Variants in COL18A1 observed in about 807,000 individuals in gnomAD.
The protein encoded by COL18A1 is collagen type XVIII alpha 1 chain, also known as collagen alpha-1(XVIII) chain.
In COL18A1, 133 loss-of-function variants were observed where a neutral mutation model predicts 168.0. That is an observed-to-expected ratio of 0.79 (90% CI 0.69 to 0.91). The LOEUF (loss-of-function observed/expected upper bound fraction) is 0.91, where lower values mean the gene tolerates loss of function less well. COL18A1 is among the 40% of genes least tolerant of loss of function. COL18A1 has a pLI of 0.00. For synonymous variants in COL18A1, 949 were observed against 809.0 expected (o/e 1.17, Z -2.94); for missense variants, 2,126 against 1,925.4 (o/e 1.10, Z -1.95).
chr21:45,504,247 G>A, intron 33 of COL18A1, 169 bp from the exon 34 acceptor site: 1 of 882,172 alleles, frequency 1.1e-6, no homozygotes, highest in Non-Finnish European at 1.8e-6. Flanking sequence ...GGGGGACTCG[G>A]CTGATGCAGT....
At position 45,513,124 on chromosome 21, in the gene COL18A1, C is replaced by T. The variant is rs2037704611; in HGVS notation, c.*726C>T. The T allele has an allele frequency of 6.6e-6, 1 of 152,642 alleles. No individual in the cohort carries two copies. The highest frequency in any genetic ancestry group is 1.5e-5 in the Non-Finnish European group (1 of 68,366). The allele number at this position is 152,642 out of a possible 1,614,324, so 9.5% of individuals were successfully genotyped here. ...ATACATCCAAAGCAGACAGCTCCAC[C>T]CTGGCCGAGTCCAAGCTGGGAGATT... is the stretch of plus-strand genomic sequence containing the variant. On this transcript the variant is annotated 3_prime_UTR_variant, in exon 42 of 42. Transcript: ENST00000651438.
At chr21:45,479,422 G>A (rs28522636) in intron 9 of COL18A1, among the ~76,000 whole-genome samples, 2,558 of 151,380 alleles carry the variant, frequency 0.017, 73 homozygotes, top group African/African-American at 0.058. Context: ...CACATCACAC[G>A]TGGACACATG....
chr21:45,493,677 G>A, intron 26 of COL18A1, 102 bp downstream of exon 26: 8 of 874,798 alleles, frequency 9.1e-6, no homozygotes, highest in Non-Finnish European at 1.3e-5. Flanking sequence ...TGATGCACGA[G>A]CCTCTCCCAA....
At chr21:45,477,371 C>A in intron 6 of COL18A1, 40 bp from the exon 7 acceptor site, 1 of 1,566,228 alleles carries the variant, frequency 6.4e-7, no homozygotes, top group East Asian at 2.3e-5. Flanking sequence ...TGGGGCCACC[C>A]GGGGGGCGTG....
chr21:45,475,385 G>A lies in COL18A1; in HGVS notation c.739-91G>A, dbSNP rs558084412. 2.4e-5 allele frequency: 29 copies of A among 1,186,750 alleles called. No homozygotes were observed. The African/African-American group carries it at 3.0e-4, about 12-fold the overall frequency. 73.5% of individuals were successfully genotyped at this position (1,186,750 alleles called of 1,614,324 possible). A position where few individuals can be genotyped will look rare whatever the true frequency, so the allele number is the denominator to read the frequency against. Reference sequence around the variant, plus strand: ...AGGCGAGAGGGGGCCTGGAGGAGGCGAGAGCAGCGTCCTTTGCTTCCCAGG... The same window carrying A: ...AGGCGAGAGGGGGCCTGGAGGAGGCAAGAGCAGCGTCCTTTGCTTCCCAGG... On this transcript the variant is annotated intron_variant, in intron 4 of 41. Transcript: ENST00000651438.
intron 17 of COL18A1, chr21:45,487,736 G>A (rs1288700611): frequency 1.5e-6 from 1 of 677,606 alleles, no homozygotes; most frequent in Non-Finnish European, 2.7e-6. Flanking sequence ...CTGCAAAGTG[G>A]GAGACACTGT....
At chr21:45,445,449 G>A (rs1186597421) in intron 2 of COL18A1, among the ~76,000 whole-genome samples, 1 of 152,214 alleles carries the variant, frequency 6.6e-6, no homozygotes, top group Non-Finnish European at 1.5e-5. Context: ...GTGGACGTGT[G>A]TCTTCGTTTC....
At chr21:45,479,475 A>AT (rs1491564154) in intron 9 of COL18A1, among the ~76,000 whole-genome samples, 1 of 152,054 alleles carries the variant, frequency 6.6e-6, no homozygotes, top group African/African-American at 2.4e-5. Context: ...GGATACACAC[A>AT]TACACATACC....
chr21:45,415,389 A>C (rs145782790), intron 2 of COL18A1, among the ~76,000 whole-genome samples: 3,224 of 152,248 alleles, frequency 0.021, 49 homozygotes, highest in Non-Finnish European at 0.034. Context: ...TCTGGTCTTC[A>C]GGTCCCCAGG....
rs1568925592 is a variant in COL18A1 at position 45,493,557 on chromosome 21, T to G, written c.2334T>G (p.Pro778=). 1 of 1,556,206 alleles carries G rather than the reference T, an allele frequency of 6.4e-7. No homozygotes were observed. Among genetic ancestry groups the G allele is most frequent in the Admixed American group, 1.9e-5 (1 of 51,698 alleles). ...GCCCCGACGGCGGTGCCCTGGGCCC[T>G]GCCCAGAAAGGAGCCAAGGTGAGGG... The part of the protein sequence containing the change: ...IFSPDGGALG[P]AQKGAKGEPG... Residue 778 remains proline, a synonymous_variant, in exon 26 of 42, where the codon CCT becomes CCG. Transcript: ENST00000651438.
At chr21:45,424,462 C>T (rs540438078) in intron 2 of COL18A1, 1 of 152,430 alleles carries the variant, frequency 6.6e-6, no homozygotes, top group African/African-American at 2.4e-5. Context: ...CAGACACCTG[C>T]CCCAAGGTGC....
intron 3 of COL18A1, among the ~76,000 whole-genome samples, chr21:45,472,710 G>A (rs9974141): frequency 0.17 from 25,205 of 152,162 alleles, 2,282 homozygotes; most frequent in Admixed American, 0.2. Context: ...GCAGTGTGAC[G>A]CTGAGAGCCG....
Position 45,496,934 on chromosome 21 carries a change from G to C in COL18A1, c.2578-116G>C, listed in dbSNP as rs1602561604. 17 of 744,366 alleles carry C rather than the reference G, an allele frequency of 2.3e-5. No individual in the cohort carries two copies. In the East Asian group the frequency reaches 3.8e-4, roughly 17 times the overall value. The allele number at this position is 744,366 out of a possible 1,614,324, so 46.1% of individuals were successfully genotyped here. On this transcript the variant is annotated intron_variant, in intron 30 of 41. Transcript: ENST00000651438. ...TCCCTCCCGTCTCTGACTGGGGGAGGCTGCTATGTGGCCTCATACAGGGGC... is the reference window on the plus strand; with the variant it reads ...TCCCTCCCGTCTCTGACTGGGGGAGCCTGCTATGTGGCCTCATACAGGGGC...
Position 45,496,491 on chromosome 21 carries a change from TC to T in COL18A1, c.2509-5del. Reference sequence around the variant, plus strand: ...CCATAAGCCTAACAGCTCTCTGCCCTCCCCACAGGGAATGCCCGGCCCCCCA... The same window carrying T: ...CCATAAGCCTAACAGCTCTCTGCCCTCCCACAGGGAATGCCCGGCCCCCCA... On this transcript the variant is annotated splice_polypyrimidine_tract_variant and splice_region_variant and intron_variant, in intron 29 of 41. Transcript: ENST00000651438. 2 of 1,291,814 alleles carry T rather than the reference TC, an allele frequency of 1.5e-6. No homozygotes were observed. Among genetic ancestry groups the T allele is most frequent in the Non-Finnish European group, 2.3e-6 (2 of 886,078 alleles). 80.0% of individuals were successfully genotyped at this position (1,291,814 alleles called of 1,614,324 possible).
At chr21:45,462,075 A>G (rs1362848694) in intron 2 of COL18A1, among the ~76,000 whole-genome samples, 3 of 151,994 alleles carry the variant, frequency 2.0e-5, no homozygotes, top group Non-Finnish European at 4.4e-5. Context: ...CTTTTAGTAC[A>G]TTGAATATAT....
chr21:45,421,530 G>T (rs745847784), intron 2 of COL18A1: 1 of 534,648 alleles, frequency 1.9e-6, no homozygotes, highest in Non-Finnish European at 3.8e-6. Context: ...GCCCATCCTG[G>T]CTTGTCATGC....
Position 45,462,307 on chromosome 21 carries a change from A to C in COL18A1, c.107-5935A>C, listed in dbSNP as rs527531554. On this transcript the variant is annotated intron_variant, in intron 2 of 41. Coordinates refer to ENST00000651438, the MANE Select transcript of COL18A1 (RefSeq NM_001379500.1). ...ACTGTTTATATTCATGTCTCCCAAC[A>C]AATTTGAGAAGCTTTCAGCCATTAT... 3.9e-5 allele frequency among the ~76,000 whole-genome samples: 6 copies of C among 152,284 alleles called. No individual in the cohort carries two copies. The East Asian group carries it at 1.2e-3, about 29-fold the overall frequency.
At position 45,480,510 on chromosome 21, in the gene COL18A1, A is replaced by G. The variant is rs2035855282; in HGVS notation, c.1442A>G (p.Glu481Gly). ...MEGSGFGGDL[E>G]ALRGPRGFPG... ...GGATCTGGCTTCGGGGGCGATCTGG[A>G]GGCCCTGCGGGTGAGTGGCCCTTAA... Residue 481 changes from glutamate (E) to glycine (G), a missense_variant, in exon 12 of 42, where the codon GAG becomes GGG. Physicochemically the swap from Glu to Gly is moderately conservative, Grantham distance 98. Transcript: ENST00000651438. 6.2e-7 allele frequency: 1 copy of G among 1,613,978 alleles called. No homozygotes were observed. Among genetic ancestry groups the G allele is most frequent in the Non-Finnish European group, 8.5e-7 (1 of 1,179,986 alleles).
rs542355295 is a variant in COL18A1, at chr21:45,471,361, C to T, written c.652-2534C>T. The stretch of plus-strand genomic sequence containing the variant: ...ACAGACTTGTTCAGCACAAGATTTT[C>T]TCAGACTTCTGAATTGAGATACTTG... On this transcript the variant is annotated intron_variant, in intron 3 of 41. Coordinates refer to ENST00000651438, the MANE Select transcript of COL18A1 (RefSeq NM_001379500.1). This position sits in a 1 kb window ranked among gnomAD's most constrained non-coding sequence, Gnocchi z 4.4. Among the ~76,000 whole-genome samples, 1 of 152,354 alleles carries T rather than the reference C, an allele frequency of 6.6e-6. No homozygotes were observed. Among genetic ancestry groups the T allele is most frequent in the African/African-American group, 2.4e-5 (1 of 41,572 alleles).
Sources: allele counts gnomAD v4.1 joint callset (sites outside exome capture counted in the v4.1 genomes callset), GRCh38; gene constraint gnomAD v4.1.1; non-coding constraint Gnocchi (gnomAD v3.1); transcripts MANE v1.5; gene names NCBI Gene and HGNC (gene_info 2026-07-23, HGNC 2026-07-21).